Variants in TAFA5 observed in about 807,000 individuals in gnomAD.
TAFA5 encodes the protein TAFA chemokine like family member 5.
In TAFA5, 6 loss-of-function variants were observed where a neutral mutation model predicts 15.3. That is an observed-to-expected ratio of 0.39 (90% CI 0.21 to 0.77). TAFA5 has a LOEUF of 0.77. Among genes scored for constraint, TAFA5 ranks in the 30% least tolerant of loss-of-function variants. The pLI is 0.41. For synonymous variants in TAFA5, 103 were observed against 80.7 expected (o/e 1.28, Z -1.48); for missense variants, 161 against 193.1 (o/e 0.83, Z 0.98).
At chr22:48,650,233 G>A (rs1569064062) in intron 2 of TAFA5, among the ~76,000 whole-genome samples, 1 of 152,240 alleles carries the variant, frequency 6.6e-6, no homozygotes, top group Non-Finnish European at 1.5e-5. Flanking sequence ...CCCCTACCGC[G>A]TTCCGTGACC....
intron 1 of TAFA5, among the ~76,000 whole-genome samples, chr22:48,581,670 C>T (rs1569033816): frequency 6.6e-6 from 1 of 152,188 alleles, no homozygotes; most frequent in Non-Finnish European, 1.5e-5. Flanking sequence ...TCACTGCTGA[C>T]ATGTTCATGT....
At chr22:48,503,532 C>T (rs1241521545) in intron 1 of TAFA5, among the ~76,000 whole-genome samples, 4 of 152,192 alleles carry the variant, frequency 2.6e-5, no homozygotes, top group Admixed American at 2.0e-4. Flanking sequence ...CAGTGGAAGC[C>T]GGTAGCCAAA....
intron 1 of TAFA5, among the ~76,000 whole-genome samples, chr22:48,567,900 C>T (rs761483003): frequency 6.6e-6 from 1 of 152,106 alleles, no homozygotes; most frequent in Non-Finnish European, 1.5e-5. Flanking sequence ...GGCCTGGGAA[C>T]GGGCAGAGGT....
intron 1 of TAFA5, among the ~76,000 whole-genome samples, chr22:48,563,147 A>G (rs1923294532): frequency 6.6e-6 from 1 of 152,190 alleles, no homozygotes. Flanking sequence ...GTACTTGGCC[A>G]GGTCTTTGCG....
At chr22:48,491,176 G>T (rs1002250064) in intron 1 of TAFA5, among the ~76,000 whole-genome samples, 1 of 152,170 alleles carries the variant, frequency 6.6e-6, no homozygotes, top group African/African-American at 2.4e-5. Flanking sequence ...AGGGAGCAGG[G>T]TCTGGGGGTT....
intron 1 of TAFA5, among the ~76,000 whole-genome samples, chr22:48,572,028 T>G (rs762403368): frequency 1.1e-4 from 17 of 152,204 alleles, no homozygotes; most frequent in Non-Finnish European, 2.4e-4. Context: ...GAGCCTGGTT[T>G]TCTCTTATTG....
At chr22:48,559,971 G>T (rs1159679626) in intron 1 of TAFA5, among the ~76,000 whole-genome samples, 3 of 152,204 alleles carry the variant, frequency 2.0e-5, no homozygotes, top group Non-Finnish European at 4.4e-5. Flanking sequence ...AGGCCAGAAT[G>T]CAGGGGTCCA....
At chr22:48,677,977 T>A (rs1928028648) in intron 2 of TAFA5, among the ~76,000 whole-genome samples, 1 of 151,816 alleles carries the variant, frequency 6.6e-6, no homozygotes, top group Non-Finnish European at 1.5e-5. Flanking sequence ...CCCCGAGAGC[T>A]CACTCCCCAG....
intron 1 of TAFA5, among the ~76,000 whole-genome samples, chr22:48,536,836 G>T (rs925589060): frequency 1.3e-5 from 2 of 152,222 alleles, no homozygotes; most frequent in African/African-American, 4.8e-5. Flanking sequence ...TCACATCTGT[G>T]TGTGGAGGAG....
At chr22:48,689,651 C>A (rs1337583630) in intron 2 of TAFA5, among the ~76,000 whole-genome samples, 1 of 102,730 alleles carries the variant, frequency 9.7e-6, no homozygotes. Flanking sequence ...ACCCGTGTAG[C>A]CCCTCGGGCG....
chr22:48,677,078 A>G (rs561957035), intron 2 of TAFA5, among the ~76,000 whole-genome samples: 9 of 152,378 alleles, frequency 5.9e-5, no homozygotes, highest in African/African-American at 2.2e-4. Flanking sequence ...AGCCACCCAT[A>G]TAAATCTGTA....
intron 2 of TAFA5, among the ~76,000 whole-genome samples, chr22:48,695,930 C>A (rs933002408): frequency 3.9e-5 from 6 of 152,180 alleles, no homozygotes; most frequent in African/African-American, 1.4e-4. Context: ...ACACAGCCAT[C>A]CTGCTGACCA....
chr22:48,609,225 G>A (rs1925308648), intron 1 of TAFA5, among the ~76,000 whole-genome samples: 1 of 152,214 alleles, frequency 6.6e-6, no homozygotes, highest in Admixed American at 6.5e-5. Flanking sequence ...AGGTTCCTGG[G>A]TGAGGCCTGA....
intron 1 of TAFA5, chr22:48,576,716 C>A: frequency 9.6e-7 from 1 of 1,041,626 alleles, no homozygotes; most frequent in African/African-American, 1.7e-5. Context: ...CCGGAGCGGC[C>A]GGCGGCGCGA....
chr22:48,536,094 G>A (rs529324364), intron 1 of TAFA5, among the ~76,000 whole-genome samples: 8 of 152,194 alleles, frequency 5.3e-5, no homozygotes, highest in African/African-American at 1.4e-4. Context: ...GCGAGTTCCC[G>A]CATGGGTTGG....
chr22:48,499,384 G>T (rs1457775299), intron 1 of TAFA5, among the ~76,000 whole-genome samples: 3 of 152,130 alleles, frequency 2.0e-5, no homozygotes, highest in Admixed American at 2.0e-4. Context: ...GATTTCTGTG[G>T]TGTCTACAGC....
At chr22:48,532,323 T>G (rs572738145) in intron 1 of TAFA5, among the ~76,000 whole-genome samples, 1 of 152,314 alleles carries the variant, frequency 6.6e-6, no homozygotes, top group African/African-American at 2.4e-5. Flanking sequence ...CTCCGCACCT[T>G]TTCAGGCTGT....
chr22:48,514,510 C>A (rs34783594), intron 1 of TAFA5, among the ~76,000 whole-genome samples: 11,367 of 152,214 alleles, frequency 0.075, 648 homozygotes, highest in East Asian at 0.26. Context: ...CGGCTCCTGG[C>A]CCTCCAGAAC....
At chr22:48,743,653 C>T (rs1930245219) in intron 3 of TAFA5, among the ~76,000 whole-genome samples, 1 of 152,176 alleles carries the variant, frequency 6.6e-6, no homozygotes, top group Non-Finnish European at 1.5e-5. Context: ...CGGCCAGGAG[C>T]GGACTGTGGG....
Sources: gnomAD v4.1 joint callset for allele counts (sites outside exome capture counted in the v4.1 genomes callset) on GRCh38, gnomAD v4.1.1 for gene constraint, MANE v1.5 for transcripts, NCBI Gene and HGNC (gene_info 2026-07-23, HGNC 2026-07-21) for gene names.